WDR72: variants seen among roughly 807,000 people sequenced by gnomAD.
The protein encoded by WDR72 is WD repeat-containing protein 72.
WDR72 carries 120 observed loss-of-function variants against 124.2 expected under a neutral mutation model. That is an observed-to-expected ratio of 0.97 (90% CI 0.83 to 1.12). WDR72 has a LOEUF of 1.12. Among genes scored for constraint, WDR72 ranks in the 50% most tolerant of loss-of-function variants. The pLI, the probability that WDR72 is intolerant of heterozygous loss-of-function variation, is 0.00. For synonymous variants in WDR72, 452 were observed against 441.7 expected, an observed-to-expected ratio of 1.02 and a Z score of -0.29; for missense variants, 1,387 against 1,278.8, an observed-to-expected ratio of 1.08 and a Z score of -1.29.
At chr15:53,746,479 G>C (rs989160471) in intron 1 of WDR72, among the ~76,000 whole-genome samples, 2 of 152,156 alleles carry the variant, frequency 1.3e-5, no homozygotes, top group Non-Finnish European at 2.9e-5. Context: ...ATCCTAACCA[G>C]AATAAACACT....
At chr15:53,672,592 T>C (rs150945522) in intron 13 of WDR72, among the ~76,000 whole-genome samples, 1 of 152,268 alleles carries the variant, frequency 6.6e-6, no homozygotes, top group Non-Finnish European at 1.5e-5. Flanking sequence ...TCTTAAAGCA[T>C]GACATGTAGT....
chr15:53,758,400 T>TA (rs949456913), intron 1 of WDR72, among the ~76,000 whole-genome samples: 9 of 152,030 alleles, frequency 5.9e-5, no homozygotes, highest in Non-Finnish European at 1.2e-4. Context: ...ATTTTTAGGT[T>TA]AAAAAAATCA....
intron 13 of WDR72, among the ~76,000 whole-genome samples, chr15:53,691,283 T>C (rs2016831671): frequency 6.6e-6 from 1 of 152,186 alleles, no homozygotes. Flanking sequence ...ACTCCTGGAC[T>C]CAAGTGATCC....
In WDR72 at chr15:53,725,751, T is replaced by G. The variant is rs112993655; in HGVS notation, c.154-2843A>C. Among the ~76,000 whole-genome samples, 5 of 152,226 alleles carry G rather than the reference T, an allele frequency of 3.3e-5. 1 individual carries two copies. The highest frequency in any genetic ancestry group is 1.2e-4 in the African/African-American group (5 of 41,550). On this transcript the variant is annotated intron_variant, in intron 2 of 19. Transcript: ENST00000360509. ...TACGACATTGTGGAAAAGGCAAAAC[T>G]TAGCAGACAATAAAAACATTAGTGG...
chr15:53,664,902 T>C (rs2015726037), intron 14 of WDR72, among the ~76,000 whole-genome samples: 2 of 152,182 alleles, frequency 1.3e-5, no homozygotes, highest in South Asian at 2.1e-4. Flanking sequence ...ATTTGATATG[T>C]ACATATAAAC....
At chr15:53,691,673 AG>A (rs772344252) in intron 13 of WDR72, among the ~76,000 whole-genome samples, 1 of 138,776 alleles carries the variant, frequency 7.2e-6, no homozygotes, top group Non-Finnish European at 1.6e-5. Flanking sequence ...ATAGATAGAT[AG>A]ATGTTTAACA....
chr15:53,712,974 C>A, intron 6 of WDR72, 83 bp from the exon 7 acceptor site: 2 of 1,486,442 alleles, frequency 1.3e-6, no homozygotes, highest in Non-Finnish European at 9.3e-7. Flanking sequence ...CCGTACATCT[C>A]AAGTAGATCA....
intron 14 of WDR72, among the ~76,000 whole-genome samples, chr15:53,629,362 T>C (rs1370266612): frequency 6.6e-6 from 1 of 151,868 alleles, no homozygotes. Flanking sequence ...AGCTGAAACA[T>C]ATATTAACTC....
chr15:53,751,970 T>C (rs2018785937), intron 1 of WDR72, among the ~76,000 whole-genome samples: 1 of 152,186 alleles, frequency 6.6e-6, no homozygotes, highest in Non-Finnish European at 1.5e-5. Flanking sequence ...ATTCAATAAA[T>C]ATTAGACTCT....
intron 17 of WDR72, among the ~76,000 whole-genome samples, chr15:53,602,295 A>C (rs181697110): frequency 5.9e-5 from 9 of 152,242 alleles, no homozygotes; most frequent in Admixed American, 5.9e-4. Context: ...ACCAAGAACA[A>C]AGATACAATA....
At chr15:53,687,375 G>A (rs1400224297) in intron 13 of WDR72, among the ~76,000 whole-genome samples, 1 of 149,830 alleles carries the variant, frequency 6.7e-6, no homozygotes, top group East Asian at 2.0e-4. Context: ...AATGATAAAG[G>A]GGATATCACC....
chr15:53,611,500 C>CA (rs1399350284), intron 16 of WDR72, among the ~76,000 whole-genome samples: 1 of 151,416 alleles, frequency 6.6e-6, no homozygotes, highest in African/African-American at 2.4e-5. Flanking sequence ...AACAAACAAA[C>CA]AACAACAACA....
At chr15:53,604,238 C>T (rs1164118227) in intron 17 of WDR72, among the ~76,000 whole-genome samples, 1 of 152,134 alleles carries the variant, frequency 6.6e-6, no homozygotes, top group East Asian at 1.9e-4. Context: ...GGAAAGGATT[C>T]CTTACTTAAT....
At position 53,744,131 on chromosome 15, in the gene WDR72, A is replaced by G. The variant is rs1164902571; in HGVS notation, c.-12-10970T>C. ...TGCTCCTTTCTATAACCAACACTCT[A>G]TTGTGATACAAATCAGCTAAATCAG... On this transcript the variant is annotated intron_variant, in intron 1 of 19. Transcript: ENST00000360509. Among the ~76,000 whole-genome samples, 8 of 152,164 alleles carry G rather than the reference A, an allele frequency of 5.3e-5. No homozygotes were observed. The East Asian group carries it at 7.7e-4, about 15-fold the overall frequency.
chr15:53,568,140 T>G (rs1483329654), intron 18 of WDR72, among the ~76,000 whole-genome samples: 1 of 150,958 alleles, frequency 6.6e-6, no homozygotes, highest in East Asian at 1.9e-4. Context: ...AATATCTGAT[T>G]TTTAAAAATA....
At chr15:53,695,941 T>C (rs74018722) in intron 13 of WDR72, among the ~76,000 whole-genome samples, 2,142 of 152,302 alleles carry the variant, frequency 0.014, 58 homozygotes, top group African/African-American at 0.049. Context: ...CAGGGACTTA[T>C]GCTATACCCC....
At chr15:53,553,322 T>C (rs1005860542) in intron 18 of WDR72, among the ~76,000 whole-genome samples, 3 of 152,160 alleles carry the variant, frequency 2.0e-5, no homozygotes, top group African/African-American at 4.8e-5. Flanking sequence ...GTGTTTCCTC[T>C]TTCACAGATG....
intron 18 of WDR72, among the ~76,000 whole-genome samples, chr15:53,535,129 T>G (rs1055864150): frequency 6.6e-6 from 1 of 152,178 alleles, no homozygotes; most frequent in Non-Finnish European, 1.5e-5. Context: ...GACTATGATC[T>G]CTAAAAGAAT....
chr15:53,633,848 G>T (rs1374054433), intron 14 of WDR72, among the ~76,000 whole-genome samples: 1 of 152,160 alleles, frequency 6.6e-6, no homozygotes, highest in African/African-American at 2.4e-5. Context: ...TTTTCAAGTT[G>T]CTACTGACCC....
Sources: allele counts gnomAD v4.1 joint callset (sites outside exome capture counted in the v4.1 genomes callset), GRCh38; gene constraint gnomAD v4.1.1; transcripts MANE v1.5; gene names NCBI Gene and HGNC (gene_info 2026-07-23, HGNC 2026-07-21).